ELL: variants seen among roughly 807,000 people sequenced by gnomAD.
ELL encodes the protein RNA polymerase II elongation factor ELL.
In ELL, 18 loss-of-function variants were observed where a neutral mutation model predicts 64.0. That is an observed-to-expected ratio of 0.28 (90% confidence interval 0.19 to 0.42). The LOEUF (loss-of-function observed/expected upper bound fraction) is 0.42. Among genes scored for constraint, ELL ranks in the 10% least tolerant of loss-of-function variants. ELL has a pLI of 1.00. For missense variants in ELL, 797 were observed against 870.4 expected, an observed-to-expected ratio of 0.92 and a Z score of 1.06; for synonymous variants, 399 against 376.2, an observed-to-expected ratio of 1.06 and a Z score of -0.70.
intron 6 of ELL, among the ~76,000 whole-genome samples, chr19:18,456,100 A>C (rs1189472287): frequency 6.6e-6 from 1 of 151,502 alleles, no homozygotes; most frequent in African/African-American, 2.4e-5. Flanking sequence ...TCCATCACAA[A>C]AAAAAAAAAA....
intron 1 of ELL, among the ~76,000 whole-genome samples, chr19:18,515,459 A>G (rs1485963757): frequency 6.6e-6 from 1 of 152,206 alleles, no homozygotes; most frequent in African/African-American, 2.4e-5. Context: ...CAGCTGGGAG[A>G]TCCTGCCTGG....
chr19:18,450,466 TGGG>T lies in ELL; in HGVS notation c.1465+8_1465+10del, dbSNP rs1974499399. 6.2e-7 allele frequency: 1 copy of T among 1,610,228 alleles called. No individual in the cohort carries two copies. Among genetic ancestry groups the T allele is most frequent in the Admixed American group, 1.7e-5 (1 of 59,938 alleles). The stretch of plus-strand genomic sequence containing the variant: ...AGAGCCCCGGCAACGCCCTCCTGCC[TGGG>T]CACCTACCTGGGGTGTCTGCTGGGG... On this transcript the variant is annotated splice_region_variant and intron_variant, in intron 8 of 11. Coordinates refer to ENST00000262809, the MANE Select transcript of ELL (RefSeq NM_006532.4).
rs111228030 is a variant in ELL, at chr19:18,465,344, G to A, written c.469+68C>T. On this transcript the variant is annotated intron_variant, in intron 4 of 11. Transcript: ENST00000262809. ...CACAGCCAGTGCCCAGCCTGGACAG[G>A]CCCCAAATGTCTCCCGACACTGGCA... 7.5e-3 allele frequency: 11,474 copies of A among 1,522,282 alleles called. 61 individuals are homozygous for A. Among genetic ancestry groups the A allele is most frequent in the African/African-American group, 0.022 (1,604 of 72,898 alleles). 94.3% of individuals were successfully genotyped at this position (1,522,282 alleles called of 1,614,324 possible).
At chr19:18,487,816 C>G (rs557516634) in intron 1 of ELL, among the ~76,000 whole-genome samples, 16 of 152,354 alleles carry the variant, frequency 1.1e-4, no homozygotes, top group African/African-American at 3.6e-4. Context: ...TTCTATTACC[C>G]AGAAAAACAA....
chr19:18,460,626 G>A (rs943531473), intron 5 of ELL, among the ~76,000 whole-genome samples: 6 of 152,234 alleles, frequency 3.9e-5, no homozygotes, highest in African/African-American at 9.6e-5. Flanking sequence ...CACCAGCCGC[G>A]CACCCGAGAG....
chr19:18,485,137 G>A (rs1975382620), intron 1 of ELL, among the ~76,000 whole-genome samples: 2 of 152,142 alleles, frequency 1.3e-5, no homozygotes, highest in Admixed American at 1.3e-4. Context: ...GCTCTGCCTT[G>A]CCACTGTGCT....
intron 1 of ELL, among the ~76,000 whole-genome samples, chr19:18,477,940 G>C (rs1386900389): frequency 6.6e-6 from 1 of 152,158 alleles, no homozygotes; most frequent in Non-Finnish European, 1.5e-5. Context: ...CTAAATAGAT[G>C]GTGATGAGAA....
At chr19:18,486,080 G>C (rs1975409259) in intron 1 of ELL, among the ~76,000 whole-genome samples, 1 of 152,062 alleles carries the variant, frequency 6.6e-6, no homozygotes, top group Non-Finnish European at 1.5e-5. Flanking sequence ...GTTTCTCCCT[G>C]AGAGCACAGC....
At chr19:18,472,477 G>A (rs146345592) in intron 2 of ELL, 9 of 279,214 alleles carry the variant, frequency 3.2e-5, no homozygotes, top group African/African-American at 1.3e-4. Context: ...TCAGGTGGTC[G>A]TGCTCACTCA....
chr19:18,453,657 A>C (rs1185002463), intron 6 of ELL, among the ~76,000 whole-genome samples: 1 of 152,232 alleles, frequency 6.6e-6, no homozygotes, highest in Non-Finnish European at 1.5e-5. Context: ...TCCTGTGCTC[A>C]AGTGATCCTC....
At chr19:18,482,794 TTGC>T (rs1555735612) in intron 1 of ELL, among the ~76,000 whole-genome samples, 1 of 150,066 alleles carries the variant, frequency 6.7e-6, no homozygotes, top group East Asian at 1.9e-4. Flanking sequence ...GTTGTTGTTG[TTGC>T]TGCTGTTGTT....
intron 1 of ELL, among the ~76,000 whole-genome samples, chr19:18,503,910 G>C (rs1348051027): frequency 2.0e-5 from 3 of 152,138 alleles, no homozygotes; most frequent in South Asian, 2.1e-4. Context: ...CTGCTGCCTG[G>C]CCAAGGTTAA....
intron 10 of ELL, 35 bp from the exon 11 acceptor site, chr19:18,445,303 G>A: frequency 1.2e-6 from 2 of 1,611,490 alleles, no homozygotes; most frequent in Admixed American, 1.7e-5. Context: ...AAAACAGAAT[G>A]TGTCCCCGCC....
chr19:18,453,130 C>T (rs1974573707), intron 6 of ELL, among the ~76,000 whole-genome samples: 1 of 152,046 alleles, frequency 6.6e-6, no homozygotes, highest in Admixed American at 6.6e-5. Context: ...AAAAATTAGC[C>T]GGGCATGGTG....
intron 1 of ELL, among the ~76,000 whole-genome samples, chr19:18,518,902 C>T (rs543958070): frequency 6.6e-6 from 1 of 152,244 alleles, no homozygotes; most frequent in South Asian, 2.1e-4. Context: ...CAGCTGGCTA[C>T]CAGGTCAACA....
At chr19:18,446,617 GGCT>G (rs920224748) in intron 9 of ELL, 128 bp downstream of exon 9, 1 of 1,490,506 alleles carries the variant, frequency 6.7e-7, no homozygotes, top group South Asian at 1.2e-5. Flanking sequence ...GCCCAGAAGA[GGCT>G]GCTATGTTTG....
At chr19:18,457,673 C>A (rs1267310373) in intron 6 of ELL, among the ~76,000 whole-genome samples, 1 of 152,256 alleles carries the variant, frequency 6.6e-6, no homozygotes, top group Non-Finnish European at 1.5e-5. Flanking sequence ...AGCCGCCTGC[C>A]TCCTTAACCA....
At chr19:18,469,936 G>C (rs897662699) in intron 2 of ELL, among the ~76,000 whole-genome samples, 1 of 152,240 alleles carries the variant, frequency 6.6e-6, no homozygotes, top group African/African-American at 2.4e-5. Flanking sequence ...GGGGCGTTCC[G>C]ACAACGATGA....
intron 1 of ELL, among the ~76,000 whole-genome samples, chr19:18,496,808 A>G (rs1975664579): frequency 6.6e-6 from 1 of 152,250 alleles, no homozygotes; most frequent in African/African-American, 2.4e-5. Context: ...TCACTTCAAT[A>G]ATATAAAAAA....
Sources: allele counts gnomAD v4.1 joint callset (sites outside exome capture counted in the v4.1 genomes callset), GRCh38; gene constraint gnomAD v4.1.1; transcripts MANE v1.5; gene names NCBI Gene and HGNC (gene_info 2026-07-23, HGNC 2026-07-21).